Variants in RALYL observed in about 807,000 individuals in gnomAD.
RALYL encodes RNA-binding Raly-like protein.
In RALYL, 29 loss-of-function variants were observed where a neutral mutation model predicts 35.1. That is an observed-to-expected ratio of 0.83 (90% CI 0.61 to 1.13). The LOEUF (loss-of-function observed/expected upper bound fraction) is 1.13. Ranked by LOEUF, RALYL falls within the 50% of genes most tolerant of loss-of-function variation. RALYL has a pLI of 0.00. For synonymous variants in RALYL, 120 were observed against 127.6 expected (o/e 0.94, Z 0.40); for missense variants, 359 against 360.4 (o/e 1.00, Z 0.03).
In RALYL at chr8:84,703,496, G is replaced by A. The variant is rs1019371901; in HGVS notation, c.257-71083G>A. Among the ~76,000 whole-genome samples the A allele has an allele frequency of 5.3e-5, 8 of 152,116 alleles. 1 individual carries two copies. The highest frequency in any genetic ancestry group is 5.2e-4 in the Admixed American group (8 of 15,260). ...AGGTGTGATGATCGATGAGGCTGGA[G>A]GGTGGGGGCTTCTTGTACATATGAA... On this transcript the variant is annotated intron_variant, in intron 2 of 8. Coordinates refer to ENST00000521268, the MANE Select transcript of RALYL (RefSeq NM_173848.7).
chr8:84,434,893 A>G (rs561260465), intron 1 of RALYL, among the ~76,000 whole-genome samples: 12 of 152,278 alleles, frequency 7.9e-5, no homozygotes, highest in African/African-American at 2.9e-4. Context: ...AACTGCTAAT[A>G]TTGATTTGGA....
Position 84,555,167 on chromosome 8 carries a change from T to C in RALYL, c.256+25590T>C, listed in dbSNP as rs369646080. Among the ~76,000 whole-genome samples the C allele has an allele frequency of 1.4e-4, 22 of 152,204 alleles. No homozygotes were observed. In the East Asian group the frequency reaches 3.9e-3, roughly 27 times the overall value. On this transcript the variant is annotated intron_variant, in intron 2 of 8. Transcript: ENST00000521268. ...GGTGGCACACGCCTGTAATCCCAGC[T>C]ACTCAGGAGGCTGAGGCAGGAGAAT...
chr8:84,192,163 C>G (rs1814053797), intron 1 of RALYL, among the ~76,000 whole-genome samples: 1 of 152,230 alleles, frequency 6.6e-6, no homozygotes, highest in Non-Finnish European at 1.5e-5. Context: ...GAATGTCTAA[C>G]CTGAATCTAA....
rs148257416 is a variant in RALYL at position 84,676,656 on chromosome 8, G to A, written c.257-97923G>A. Among the ~76,000 whole-genome samples, 576 of 152,258 alleles carry A rather than the reference G, an allele frequency of 3.8e-3. 6 individuals are homozygous for A. Among genetic ancestry groups the A allele is most frequent in the African/African-American group, 0.013 (546 of 41,546 alleles). On this transcript the variant is annotated intron_variant, in intron 2 of 8. Transcript: ENST00000521268. ...CTGGATTTCAAGAAGCTATATAATA[G>A]CTGGTTATGCCATCATTAAGCCTCA... is the stretch of plus-strand genomic sequence containing the variant.
intron 2 of RALYL, among the ~76,000 whole-genome samples, chr8:84,732,821 C>T (rs1846499870): frequency 1.3e-5 from 2 of 151,662 alleles, no homozygotes; most frequent in South Asian, 2.1e-4. Context: ...CTCAGCCTCC[C>T]GAGTAGCTGG....
At chr8:84,696,281 G>A (rs1435314058) in intron 2 of RALYL, among the ~76,000 whole-genome samples, 6 of 151,694 alleles carry the variant, frequency 4.0e-5, no homozygotes, top group African/African-American at 1.4e-4. Context: ...TTATCCAGAT[G>A]GGAACATAGC....
At chr8:84,495,460 T>G (rs13278756) in intron 1 of RALYL, among the ~76,000 whole-genome samples, 1 of 151,798 alleles carries the variant, frequency 6.6e-6, no homozygotes, top group South Asian at 2.1e-4. Flanking sequence ...CTGTTTTAAT[T>G]GTATTTCTCA....
rs185736948 is a variant in RALYL, at chr8:84,366,927, G to A, written c.-23-162372G>A. On this transcript the variant is annotated intron_variant, in intron 1 of 8. Transcript: ENST00000521268. ...ACAGTGGCAAAGGATTAAGATGATTGGAGAATAGTAGGAAATAGCCTCTAT... is the reference window on the plus strand; with the variant it reads ...ACAGTGGCAAAGGATTAAGATGATTAGAGAATAGTAGGAAATAGCCTCTAT... Among the ~76,000 whole-genome samples, 7 of 151,944 alleles carry A rather than the reference G, an allele frequency of 4.6e-5. No individual in the cohort carries two copies. The East Asian group carries it at 1.4e-3, about 29-fold the overall frequency.
chr8:84,249,895 A>T (rs1274813982), intron 1 of RALYL, among the ~76,000 whole-genome samples: 1 of 151,750 alleles, frequency 6.6e-6, no homozygotes, highest in African/African-American at 2.4e-5. Context: ...TCCTATATGC[A>T]CATAACCAAG....
At chr8:84,398,436 T>C (rs1262415452) in intron 1 of RALYL, among the ~76,000 whole-genome samples, 1 of 152,192 alleles carries the variant, frequency 6.6e-6, no homozygotes, top group African/African-American at 2.4e-5. Context: ...GAAAGTTTCT[T>C]CTTTCAATAA....
At chr8:84,729,978 C>A (rs904267994) in intron 2 of RALYL, among the ~76,000 whole-genome samples, 1 of 152,102 alleles carries the variant, frequency 6.6e-6, no homozygotes, top group Admixed American at 6.6e-5. Context: ...GGTACCATTC[C>A]TTCTGAAACT....
chr8:84,269,851 A>G (rs994761019), intron 1 of RALYL, among the ~76,000 whole-genome samples: 12 of 152,154 alleles, frequency 7.9e-5, no homozygotes, highest in African/African-American at 2.7e-4. Context: ...AACTAATACT[A>G]TAGAAGTTTA....
intron 2 of RALYL, among the ~76,000 whole-genome samples, chr8:84,644,552 G>A (rs1341489019): frequency 6.6e-6 from 1 of 152,014 alleles, no homozygotes; most frequent in Non-Finnish European, 1.5e-5. Context: ...AGGAAGATCT[G>A]ACTGCTGGAG....
At chr8:84,467,418 A>G (rs1412117409) in intron 1 of RALYL, among the ~76,000 whole-genome samples, 1 of 150,544 alleles carries the variant, frequency 6.6e-6, no homozygotes. Context: ...GTCATTCAGG[A>G]GCAGATTGTT....
At chr8:84,275,096 T>G (rs1241888452) in intron 1 of RALYL, among the ~76,000 whole-genome samples, 1 of 152,208 alleles carries the variant, frequency 6.6e-6, no homozygotes, top group Non-Finnish European at 1.5e-5. Flanking sequence ...CATCTTCTTT[T>G]GGTCTCTAAG....
chr8:84,579,129 C>G lies in RALYL; in HGVS notation c.256+49552C>G, dbSNP rs530382501. On this transcript the variant is annotated intron_variant, in intron 2 of 8. Coordinates refer to ENST00000521268, the MANE Select transcript of RALYL (RefSeq NM_173848.7). ...CCCATGCCAAGCAGCCCTCAGCCCCCCTAGGCCTCCCTCCCATGATTATTG... is the reference window on the plus strand; with the variant it reads ...CCCATGCCAAGCAGCCCTCAGCCCCGCTAGGCCTCCCTCCCATGATTATTG... Among the ~76,000 whole-genome samples the G allele has an allele frequency of 3.3e-5, 5 of 152,294 alleles. No individual in the cohort carries two copies. The East Asian group carries it at 9.7e-4, about 29-fold the overall frequency.
At chr8:84,201,288 A>C (rs1448496142) in intron 1 of RALYL, among the ~76,000 whole-genome samples, 1 of 152,184 alleles carries the variant, frequency 6.6e-6, no homozygotes, top group Non-Finnish European at 1.5e-5. Flanking sequence ...TCTTTGACTA[A>C]AACTTATGAA....
chr8:84,671,128 C>G (rs1158496601), intron 2 of RALYL, among the ~76,000 whole-genome samples: 1 of 152,122 alleles, frequency 6.6e-6, no homozygotes, highest in African/African-American at 2.4e-5. Context: ...CAAAATCCAG[C>G]AGGGCAGTCA....
At chr8:84,396,213 G>C (rs750024953) in intron 1 of RALYL, among the ~76,000 whole-genome samples, 1 of 151,882 alleles carries the variant, frequency 6.6e-6, no homozygotes, top group Admixed American at 6.6e-5. Context: ...CTTGAAATAA[G>C]AATAATATCT....
Sources: allele counts gnomAD v4.1 joint callset (sites outside exome capture counted in the v4.1 genomes callset), GRCh38; gene constraint gnomAD v4.1.1; transcripts MANE v1.5; gene names NCBI Gene and HGNC (gene_info 2026-07-23, HGNC 2026-07-21).